PRKCSH: variants seen among roughly 807,000 people sequenced by gnomAD.
PRKCSH encodes glucosidase 2 subunit beta.
In PRKCSH, 42 loss-of-function variants were observed where a neutral mutation model predicts 79.7. The observed-to-expected ratio is 0.53, with a 90% CI of 0.41 to 0.68. The LOEUF (loss-of-function observed/expected upper bound fraction) is 0.68. Ranked by LOEUF, PRKCSH falls within the 30% of genes least tolerant of loss-of-function variation. The pLI is 0.00. For synonymous variants in PRKCSH, 325 were observed against 288.2 expected (o/e 1.13, Z -1.29); for missense variants, 686 against 709.0 (o/e 0.97, Z 0.37).
Position 11,437,642 on chromosome 19 carries a change from C to T in PRKCSH, c.197-234C>T, listed in dbSNP as rs1013413764. On this transcript the variant is annotated intron_variant, in intron 3 of 17. Coordinates refer to ENST00000677123, the MANE Select transcript of PRKCSH (RefSeq NM_001289104.2). Reference sequence around the variant, plus strand: ...TGCTGGGATTACAGGTGTGAGCCCCCGTGCCAGGTGGAGACCCTGTTTTGA... The same window carrying T: ...TGCTGGGATTACAGGTGTGAGCCCCTGTGCCAGGTGGAGACCCTGTTTTGA... Among the ~76,000 whole-genome samples, 8 of 152,214 alleles carry T rather than the reference C, an allele frequency of 5.3e-5. No individual in the cohort carries two copies. In the East Asian group the frequency reaches 7.7e-4, roughly 15 times the overall value.
At position 11,449,283 on chromosome 19, in the gene PRKCSH, G is replaced by GA; in HGVS notation, c.1482dup (p.Glu495ArgfsTer31). The GA allele has an allele frequency of 6.2e-7, 1 of 1,613,726 alleles. No homozygotes were observed. Among genetic ancestry groups the GA allele is most frequent in the Non-Finnish European group, 8.5e-7 (1 of 1,179,952 alleles). On this transcript the variant is annotated frameshift_variant, in exon 17 of 18. Coordinates refer to ENST00000677123, the MANE Select transcript of PRKCSH (RefSeq NM_001289104.2). LOFTEE classifies it high-confidence loss of function. The surrounding 1 kb of genome is among the most constrained non-coding windows in gnomAD (Gnocchi z 6.4). ...ATCCCCAGGTGCGCCTCCTGTGCGGGAAAGAGACCATGGTGACCAGCACCA... is the reference window on the plus strand; with the variant it reads ...ATCCCCAGGTGCGCCTCCTGTGCGGGAAAAGAGACCATGGTGACCAGCACCA...
intron 6 of PRKCSH, among the ~76,000 whole-genome samples, chr19:11,441,927 C>G (rs2144824341): frequency 6.6e-6 from 1 of 152,278 alleles, no homozygotes; most frequent in Admixed American, 6.5e-5. Flanking sequence ...AGACTTCTTG[C>G]CCAGTTCCTC....
At chr19:11,441,378 GC>G in intron 6 of PRKCSH, 21 bp downstream of exon 6, 1 of 1,610,432 alleles carries the variant, frequency 6.2e-7, no homozygotes, top group Non-Finnish European at 8.5e-7. Context: ...CGCGGGGGCT[GC>G]CCCAGGGTGA....
chr19:11,435,854 G>A (rs1001201594), intron 1 of PRKCSH, 148 bp downstream of exon 1: 2 of 1,156,154 alleles, frequency 1.7e-6, no homozygotes, highest in African/African-American at 1.5e-5. Context: ...GGGAGCGGAG[G>A]TTTTGAGATC....
intron 9 of PRKCSH, 32 bp downstream of exon 9, chr19:11,446,382 C>A (rs1486586394): frequency 6.2e-7 from 1 of 1,602,494 alleles, no homozygotes; most frequent in Non-Finnish European, 8.5e-7. Context: ...TTGGGGACTT[C>A]TAGGGAGCAT....
intron 7 of PRKCSH, among the ~76,000 whole-genome samples, chr19:11,443,538 C>T (rs1177573975): frequency 6.7e-6 from 1 of 149,200 alleles, no homozygotes; most frequent in Non-Finnish European, 1.5e-5. Context: ...GAGTGAGACT[C>T]CGTCTCAAAA....
chr19:11,448,190 A>C lies in PRKCSH; in HGVS notation c.1127-32A>C, dbSNP rs1214878739. On this transcript the variant is annotated intron_variant, in intron 12 of 17. Transcript: ENST00000677123. The surrounding 1 kb of genome is among the most constrained non-coding windows in gnomAD (Gnocchi z 4.4). ...TTCCCCATCCTCCTGGATGGGGTTGAGGACATCTCTGACCTCCAACCCCTC... is the reference window on the plus strand; with the variant it reads ...TTCCCCATCCTCCTGGATGGGGTTGCGGACATCTCTGACCTCCAACCCCTC... 6.5e-7 allele frequency: 1 copy of C among 1,546,574 alleles called. No homozygotes were observed. The highest frequency in any genetic ancestry group is 2.0e-5 in the Admixed American group (1 of 51,040).
At chr19:11,437,768 T>G in intron 3 of PRKCSH, 108 bp from the exon 4 acceptor site, 1 of 995,306 alleles carries the variant, frequency 1.0e-6, no homozygotes, top group Non-Finnish European at 1.6e-6. Flanking sequence ...TTTCCTTTCC[T>G]TTCTTGTGCT....
Position 11,448,735 on chromosome 19 carries a change from G to T in PRKCSH, c.1286+106G>T. 1 of 1,354,472 alleles carries T rather than the reference G, an allele frequency of 7.4e-7. No homozygotes were observed. Among genetic ancestry groups the T allele is most frequent in the Non-Finnish European group, 1.1e-6 (1 of 949,544 alleles). 83.9% of individuals were successfully genotyped at this position (1,354,472 alleles called of 1,614,324 possible). A position where few individuals can be genotyped will look rare whatever the true frequency, so the allele number is the denominator to read the frequency against. The stretch of plus-strand genomic sequence containing the variant: ...TGGTTGGGGAACCATCTGCGGGTGG[G>T]GCCCGAGAGTGCTGCCTTCCATATT... On this transcript the variant is annotated intron_variant, in intron 14 of 17. Coordinates refer to ENST00000677123, the MANE Select transcript of PRKCSH (RefSeq NM_001289104.2). This position sits in a 1 kb window ranked among gnomAD's most constrained non-coding sequence, Gnocchi z 4.4.
chr19:11,437,834 C>T, intron 3 of PRKCSH, 42 bp from the exon 4 acceptor site: 1 of 1,558,196 alleles, frequency 6.4e-7, no homozygotes, highest in South Asian at 1.1e-5. Flanking sequence ...ATGTCTGTCC[C>T]TGAGCTGACT....
chr19:11,439,225 A>G (rs1296276664), intron 5 of PRKCSH, among the ~76,000 whole-genome samples: 1 of 152,048 alleles, frequency 6.6e-6, no homozygotes, highest in East Asian at 1.9e-4. Context: ...CGTGTGAGAG[A>G]TACGCCTCCC....
chr19:11,441,983 G>T (rs1440918887), intron 6 of PRKCSH, among the ~76,000 whole-genome samples: 1 of 152,266 alleles, frequency 6.6e-6, no homozygotes, highest in Non-Finnish European at 1.5e-5. Flanking sequence ...CTTCTTGGAG[G>T]AGGAGGCCTC....
chr19:11,438,106 T>C lies in PRKCSH; in HGVS notation c.332T>C (p.Ile111Thr). 6.2e-7 allele frequency: 1 copy of C among 1,614,124 alleles called. No individual in the cohort carries two copies. The highest frequency in any genetic ancestry group is 8.5e-7 in the Non-Finnish European group (1 of 1,180,014). The change falls in exon 5 of 18, where the codon ATC (isoleucine) becomes ACC (threonine). Residue 111 changes from isoleucine to threonine, a missense_variant. Ile to Thr is a moderately conservative substitution (Grantham distance 89). Transcript: ENST00000677123. ...DGTDEYNSGVICENTCKEKGR... is the reference protein window; with the variant it reads ...DGTDEYNSGVTCENTCKEKGR... Reference sequence around the variant, plus strand: ...ACAGACGAGTACAACAGCGGCGTCATCTGTGAGAACACCTGCAAGTACGTG... The same window carrying C: ...ACAGACGAGTACAACAGCGGCGTCACCTGTGAGAACACCTGCAAGTACGTG...
At position 11,436,766 on chromosome 19, in the gene PRKCSH, G is replaced by A. The variant is rs565476713; in HGVS notation, c.196+261G>A. 5 of 467,894 alleles carry A rather than the reference G, an allele frequency of 1.1e-5. No homozygotes were observed. The East Asian group carries it at 1.7e-4, about 16-fold the overall frequency. 29.0% of individuals were successfully genotyped at this position (467,894 alleles called of 1,614,324 possible). ...TCCCGAAGGTGCTGCAGATGGAGGG[G>A]TCAACACGGGCAAACCCCTAGAAGT... On this transcript the variant is annotated intron_variant, in intron 3 of 17. Transcript: ENST00000677123.
chr19:11,448,970 G>T lies in PRKCSH; in HGVS notation c.1343G>T (p.Gly448Val). The T allele has an allele frequency of 6.2e-7, 1 of 1,614,144 alleles. No individual in the cohort carries two copies. The highest frequency in any genetic ancestry group is 8.5e-7 in the Non-Finnish European group (1 of 1,180,028). The part of the protein sequence containing the change: ...KLVSQKPKLG[G>V]SPTSLGTWGS... ...GTCTCGCAGAAACCCAAACTCGGGG[G>T]CTCTCCCACCAGCCTTGGGTGAGTG... is the stretch of plus-strand genomic sequence containing the variant. The change falls in exon 15 of 18, where the codon GGC (glycine) becomes GTC (valine). Residue 448 changes from glycine to valine, a missense_variant. Around this residue, in one of 2 missense-constraint regions of PRKCSH, gnomAD observed 137 missense variants for 188.8 expected, o/e 0.73. Coordinates refer to ENST00000677123, the MANE Select transcript of PRKCSH (RefSeq NM_001289104.2). The surrounding 1 kb of genome is among the most constrained non-coding windows in gnomAD (Gnocchi z 4.4).
intron 5 of PRKCSH, among the ~76,000 whole-genome samples, chr19:11,440,202 C>G (rs1436840077): frequency 6.6e-6 from 1 of 151,740 alleles, no homozygotes; most frequent in African/African-American, 2.4e-5. Flanking sequence ...GGCTGGAGTG[C>G]AGTGGTGTGA....
In PRKCSH at chr19:11,448,515, T is replaced by A; in HGVS notation, c.1197-25T>A. 1 of 1,608,492 alleles carries A rather than the reference T, an allele frequency of 6.2e-7. No homozygotes were observed. Among genetic ancestry groups the A allele is most frequent in the Middle Eastern group, 1.7e-4 (1 of 6,044 alleles). Reference sequence around the variant, plus strand: ...AGGCACTGGCGTCCCCAGCTGCCCCTTAACCGCTCCGCCTCCCCTTCCAGG... The same window carrying A: ...AGGCACTGGCGTCCCCAGCTGCCCCATAACCGCTCCGCCTCCCCTTCCAGG... On this transcript the variant is annotated intron_variant, in intron 13 of 17. Transcript: ENST00000677123. The surrounding 1 kb of genome is among the most constrained non-coding windows in gnomAD (Gnocchi z 4.4).
In PRKCSH at chr19:11,449,177, T is replaced by A; in HGVS notation, c.1461+2T>A. The stretch of plus-strand genomic sequence containing the variant: ...CAGGGCCCCAACCGCTCCACCACCG[T>A]GAGTGCCTGCAAGGCAGGGGAGCTG... On this transcript the variant is annotated splice_donor_variant, in intron 16 of 17. Transcript: ENST00000677123. LOFTEE classifies it high-confidence loss of function. This position sits in a 1 kb window ranked among gnomAD's most constrained non-coding sequence, Gnocchi z 6.4. 6.2e-7 allele frequency: 1 copy of A among 1,613,632 alleles called. No homozygotes were observed.
chr19:11,439,600 CTTTTCTTTTTTTTTTT>C (rs1969954416), intron 5 of PRKCSH, among the ~76,000 whole-genome samples: 1 of 66,496 alleles, frequency 1.5e-5, no homozygotes, highest in Non-Finnish European at 3.2e-5. Context: ...AAAAATTTTT[CTTTTCTTTTTTTTTTT>C]TTTTTTTTTT....
Sources: allele counts gnomAD v4.1 joint callset (sites outside exome capture counted in the v4.1 genomes callset), GRCh38; gene constraint gnomAD v4.1.1; regional missense constraint gnomAD v4.1.1; non-coding constraint Gnocchi (gnomAD v3.1); transcripts MANE v1.5; gene names NCBI Gene and HGNC (gene_info 2026-07-23, HGNC 2026-07-21).